PPP2R2B: variants seen among roughly 807,000 people sequenced by gnomAD.
PPP2R2B encodes protein phosphatase 2 regulatory subunit Bbeta.
PPP2R2B carries 5 observed loss-of-function variants against 46.0 expected under a neutral mutation model. That is an observed-to-expected ratio of 0.11 (90% CI 0.06 to 0.23). PPP2R2B has a LOEUF of 0.23. Among genes scored for constraint, PPP2R2B ranks in the 10% least tolerant of loss-of-function variants. The pLI is 1.00. For synonymous variants in PPP2R2B, 215 were observed against 206.7 expected, an observed-to-expected ratio of 1.04 and a Z score of -0.34; for missense variants, 367 against 575.0, an observed-to-expected ratio of 0.64 and a Z score of 3.70.
At chr5:146,907,946 A>G (rs1763054942) in intron 1 of PPP2R2B, among the ~76,000 whole-genome samples, 1 of 152,182 alleles carries the variant, frequency 6.6e-6, no homozygotes, top group Non-Finnish European at 1.5e-5. Flanking sequence ...AGGAAAAACC[A>G]TGTTGTTCTT....
At position 146,588,404 on chromosome 5, in the gene PPP2R2B, A is replaced by AAGTC. The variant is rs1770279303; in HGVS notation, c.*1539_*1542dup. ...CTCCTCCAAAGCAAATTACACTTGA[A>AAGTC]AGTCAGGACTTCTAATACATCTGTA... is the stretch of plus-strand genomic sequence containing the variant. On this transcript the variant is annotated 3_prime_UTR_variant, in exon 10 of 10. Transcript: ENST00000394411. 2.6e-5 allele frequency: 4 copies of AAGTC among 152,200 alleles called. No homozygotes were observed. The highest frequency in any genetic ancestry group is 9.7e-5 in the African/African-American group (4 of 41,448). 9.4% of individuals were successfully genotyped at this position (152,200 alleles called of 1,614,324 possible).
chr5:147,072,694 G>A (rs1677422336), intron 2 of PPP2R2B, among the ~76,000 whole-genome samples: 1 of 152,176 alleles, frequency 6.6e-6, no homozygotes, highest in Non-Finnish European at 1.5e-5. Flanking sequence ...CTGATTAAAT[G>A]GAATTATCAT....
chr5:146,798,099 T>C (rs1756652317), intron 2 of PPP2R2B, among the ~76,000 whole-genome samples: 1 of 152,168 alleles, frequency 6.6e-6, no homozygotes, highest in Non-Finnish European at 1.5e-5. Context: ...TTATCCCTAG[T>C]ATCTTTGGGG....
In PPP2R2B at chr5:146,605,540, T is replaced by C. The variant is rs577128684; in HGVS notation, c.791-5080A>G. Among the ~76,000 whole-genome samples, 8 of 152,342 alleles carry C rather than the reference T, an allele frequency of 5.3e-5. No homozygotes were observed. In the East Asian group the frequency reaches 1.5e-3, roughly 29 times the overall value. ...ACAATTTTGGGAGTTGACAACGCAA[T>C]TACCCTATTGTTGGGGCATTATAGA... On this transcript the variant is annotated intron_variant, in intron 7 of 9. Coordinates refer to ENST00000394411, the MANE Select transcript of PPP2R2B (RefSeq NM_181675.4).
At chr5:146,790,777 G>A (rs553080191) in intron 2 of PPP2R2B, among the ~76,000 whole-genome samples, 1 of 152,222 alleles carries the variant, frequency 6.6e-6, no homozygotes, top group South Asian at 2.1e-4. Flanking sequence ...GGCAGGAAGA[G>A]TGAAGCATTA....
At chr5:146,786,174 A>G (rs115966486) in intron 2 of PPP2R2B, among the ~76,000 whole-genome samples, 1 of 152,282 alleles carries the variant, frequency 6.6e-6, no homozygotes, top group African/African-American at 2.4e-5. Flanking sequence ...CTATATATCA[A>G]TAAAACTATA....
rs1204726219 is a variant in PPP2R2B, at chr5:146,844,367, C to A, written c.70+33635G>T. On this transcript the variant is annotated intron_variant, in intron 2 of 9. Transcript: ENST00000394411. ...TTAGAGTATAATAAAAAAAAAAAAA[C>A]ATTAAAAAAAAATATATACTGAAAC... Among the ~76,000 whole-genome samples the A allele has an allele frequency of 9.5e-5, 12 of 126,242 alleles. No homozygotes were observed. The East Asian group carries it at 1.0e-3, about 11-fold the overall frequency. The allele number at this position is 126,242 out of a possible 152,430, so 82.8% of individuals were successfully genotyped here.
intron 2 of PPP2R2B, among the ~76,000 whole-genome samples, chr5:147,063,101 T>A (rs112287761): frequency 0.039 from 5,706 of 147,016 alleles, 164 homozygotes; most frequent in African/African-American, 0.078. Flanking sequence ...GGAAGGGAGA[T>A]AGAAAAGAAA....
chr5:146,870,242 C>T (rs1761535620), intron 2 of PPP2R2B, among the ~76,000 whole-genome samples: 1 of 152,126 alleles, frequency 6.6e-6, no homozygotes, highest in Non-Finnish European at 1.5e-5. Flanking sequence ...AAATTGTGCC[C>T]CCCTCCACCC....
At position 146,581,533 on chromosome 5, in the gene PPP2R2B, C is replaced by A. The variant is rs766929381; in HGVS notation, c.*8414G>T. On this transcript the variant is annotated 3_prime_UTR_variant, in exon 10 of 10. Coordinates refer to ENST00000394411, the MANE Select transcript of PPP2R2B (RefSeq NM_181675.4). ...CAAATCATGTCAATATATAATTAAC[C>A]TTTCTGCCTTTTCAAAAATAATATG... The A allele has an allele frequency of 3.3e-5, 5 of 152,142 alleles. No individual in the cohort carries two copies. The highest frequency in any genetic ancestry group is 2.1e-4 in the South Asian group (1 of 4,828). The allele number at this position is 152,142 out of a possible 1,614,324, so 9.4% of individuals were successfully genotyped here.
At chr5:146,781,703 A>G (rs1397319857) in intron 2 of PPP2R2B, among the ~76,000 whole-genome samples, 4 of 152,172 alleles carry the variant, frequency 2.6e-5, no homozygotes, top group Non-Finnish European at 5.9e-5. Flanking sequence ...GCCCACCACC[A>G]CATTTCACAG....
intron 2 of PPP2R2B, among the ~76,000 whole-genome samples, chr5:146,774,137 G>GAA (rs1302716240): frequency 6.6e-6 from 1 of 152,120 alleles, no homozygotes; most frequent in Non-Finnish European, 1.5e-5. Context: ...ACTCTAACTT[G>GAA]ATGAATGACT....
At chr5:147,031,413 TTCTC>T (rs1158749899) in intron 1 of PPP2R2B, among the ~76,000 whole-genome samples, 1 of 152,164 alleles carries the variant, frequency 6.6e-6, no homozygotes, top group African/African-American at 2.4e-5. Context: ...TAGTATGTGT[TTCTC>T]TCTATTTTTA....
rs559400086 is a variant in PPP2R2B at position 146,627,395 on chromosome 5, A to G, written c.790+10856T>C. ...GACCTGGGGAATGAGCCACAGGTTT[A>G]TTAGGGAGCTCTAGTGGCTTACTTA... On this transcript the variant is annotated intron_variant, in intron 7 of 9. Coordinates refer to ENST00000394411, the MANE Select transcript of PPP2R2B (RefSeq NM_181675.4). Among the ~76,000 whole-genome samples, 23 of 152,260 alleles carry G rather than the reference A, an allele frequency of 1.5e-4. No homozygotes were observed. In the South Asian group the frequency reaches 1.7e-3, roughly 11 times the overall value.
intron 7 of PPP2R2B, among the ~76,000 whole-genome samples, chr5:146,616,406 T>C (rs1220782385): frequency 6.6e-6 from 1 of 152,116 alleles, no homozygotes; most frequent in Non-Finnish European, 1.5e-5. Flanking sequence ...AAAACATTTC[T>C]GCACAGCAAA....
intron 3 of PPP2R2B, among the ~76,000 whole-genome samples, chr5:146,700,036 G>A (rs771803670): frequency 2.0e-4 from 30 of 152,156 alleles, no homozygotes; most frequent in Admixed American, 5.2e-4. Flanking sequence ...GGATTACGAT[G>A]CCCTTATAGA....
At chr5:146,704,037 A>C (rs1438576325) in intron 2 of PPP2R2B, among the ~76,000 whole-genome samples, 1 of 152,216 alleles carries the variant, frequency 6.6e-6, no homozygotes, top group East Asian at 1.9e-4. Flanking sequence ...GTGGCAGCTC[A>C]AGTTAATACT....
intron 2 of PPP2R2B, chr5:146,856,625 G>T: frequency 7.0e-7 from 1 of 1,420,786 alleles, no homozygotes; most frequent in Non-Finnish European, 9.9e-7. Context: ...CCAGGAGGTA[G>T]TGATGCTTCA....
intron 1 of PPP2R2B, among the ~76,000 whole-genome samples, chr5:147,010,150 C>T (rs929472496): frequency 2.0e-5 from 3 of 152,054 alleles, no homozygotes; most frequent in African/African-American, 7.2e-5. Context: ...CATAAAAGCA[C>T]ACATACACAA....
Sources: gnomAD v4.1 joint callset for allele counts (sites outside exome capture counted in the v4.1 genomes callset) on GRCh38, gnomAD v4.1.1 for gene constraint, MANE v1.5 for transcripts, NCBI Gene and HGNC (gene_info 2026-07-23, HGNC 2026-07-21) for gene names.